The following SEMA4C variants were observed in gnomAD, a reference collection of about 807,000 sequenced individuals.
SEMA4C encodes semaphorin 4C.
In SEMA4C, 19 loss-of-function variants were observed where a neutral mutation model predicts 89.0. The ratio of observed to expected loss-of-function variants is 0.21; its 90% CI spans 0.15 to 0.31. The LOEUF is 0.31. Ranked by LOEUF, SEMA4C falls within the 10% of genes least tolerant of loss-of-function variation. SEMA4C has a pLI of 1.00. For synonymous variants in SEMA4C, 428 were observed against 472.7 expected (o/e 0.91, Z 1.23); for missense variants, 811 against 1,107.0 (o/e 0.73, Z 3.79).
upstream of SEMA4C, chr2:96,870,493 A>T (rs2080178233): frequency 1.0e-6 from 1 of 967,364 alleles, no homozygotes; most frequent in African/African-American, 1.8e-5. Context: ...GCGAGTATCC[A>T]GGGGAGGCAC....
intron 1 of SEMA4C, chr2:96,868,860 T>C: frequency 1.0e-6 from 1 of 985,390 alleles, no homozygotes; most frequent in Non-Finnish European, 1.2e-6. Context: ...ACTCGGGGAC[T>C]GCGCCCCAGG....
At chr2:96,866,600 T>A in intron 2 of SEMA4C, 169 bp from the exon 3 acceptor site, 2 of 909,604 alleles carry the variant, frequency 2.2e-6, no homozygotes, top group Non-Finnish European at 3.5e-6. Flanking sequence ...CAGCCCCACC[T>A]GGGCCTCCCT....
chr2:96,865,408 C>T (rs2080046423), intron 6 of SEMA4C, 33 bp downstream of exon 6: 2 of 1,611,362 alleles, frequency 1.2e-6, no homozygotes, highest in East Asian at 2.2e-5. Flanking sequence ...GCCCCAAGGA[C>T]TCACCCAGCC....
At chr2:96,866,112 G>A (rs1415280948) in intron 3 of SEMA4C, among the ~76,000 whole-genome samples, 171 bp downstream of exon 3, 2 of 152,232 alleles carry the variant, frequency 1.3e-5, no homozygotes, top group South Asian at 2.1e-4. Flanking sequence ...TTCAGTAAGT[G>A]CCAGAGAGGA....
At position 96,861,689 on chromosome 2, in the gene SEMA4C, A is replaced by C; in HGVS notation, c.1602-40T>G. On this transcript the variant is annotated intron_variant, in intron 13 of 14. Transcript: ENST00000305476. The surrounding 1 kb of genome is among the most constrained non-coding windows in gnomAD (Gnocchi z 7.8). ...AGGGTACATCAGCAGCCTGGCTCCA[A>C]CCACCCTGAGTCCCTGGAGGTCCTG... 6.3e-7 allele frequency: 1 copy of C among 1,599,994 alleles called. No individual in the cohort carries two copies. Among genetic ancestry groups the C allele is most frequent in the Non-Finnish European group, 8.5e-7 (1 of 1,170,602 alleles).
At chr2:96,867,236 G>A (rs2080095101) in intron 2 of SEMA4C, among the ~76,000 whole-genome samples, 1 of 152,334 alleles carries the variant, frequency 6.6e-6, no homozygotes, top group South Asian at 2.1e-4. Flanking sequence ...TGGAGCCTGT[G>A]GGAGGTGAGC....
intron 1 of SEMA4C, among the ~76,000 whole-genome samples, chr2:96,868,235 C>T (rs555399738): frequency 1.3e-5 from 2 of 152,332 alleles, no homozygotes; most frequent in South Asian, 4.1e-4. Flanking sequence ...AAAGGGGACC[C>T]CCGCCCAACA....
intron 5 of SEMA4C, 53 bp from the exon 6 acceptor site, chr2:96,865,590 G>T: frequency 6.3e-7 from 1 of 1,598,200 alleles, no homozygotes; most frequent in South Asian, 1.1e-5. Flanking sequence ...GGGCTCTGTG[G>T]GCCACATCCA....
At position 96,860,792 on chromosome 2, in the gene SEMA4C, C is replaced by A; in HGVS notation, c.2336G>T (p.Gly779Val). 1.2e-6 allele frequency: 2 copies of A among 1,613,850 alleles called. 1 individual carries two copies. Among genetic ancestry groups the A allele is most frequent in the Non-Finnish European group, 1.7e-6 (2 of 1,180,014 alleles). Reference sequence around the variant, plus strand: ...ATTGGCATTTGAGTTCCGCCCACCCCCCAGGTGAAGCCGAGTTGGAGAAGG... The same window carrying A: ...ATTGGCATTTGAGTTCCGCCCACCCACCAGGTGAAGCCGAGTTGGAGAAGG... ...PLPSPTRLHL[G>V]GGRNSNANGY... Residue 779 changes from glycine (G) to valine (V), a missense_variant, in exon 15 of 15, where the codon GGG (glycine) becomes GTG (valine). By Grantham distance (109) the Gly-to-Val change is moderately radical. This residue lies in a region of SEMA4C where 248 missense variants were observed against 269.0 expected (regional missense o/e 0.92). Transcript: ENST00000305476.
Position 96,864,865 on chromosome 2 carries a change from C to A in SEMA4C, c.802G>T (p.Ala268Ser). 1.2e-6 allele frequency: 2 copies of A among 1,613,104 alleles called. No individual in the cohort carries two copies. The highest frequency in any genetic ancestry group is 2.2e-5 in the East Asian group (1 of 44,858). ...GTCCACTTCCTCTGCAGGGTCCGTG[C>A]GCCCCCCATATCGCCCTGGCAGACG... is the stretch of plus-strand genomic sequence containing the variant. ...ARVCKGDMGG[A>S]RTLQRKWTTF... Residue 268 changes from alanine to serine, a missense_variant, in exon 9 of 15, where the codon GCA becomes TCA. Coordinates refer to ENST00000305476, the MANE Select transcript of SEMA4C (RefSeq NM_017789.5). This position sits in a 1 kb window ranked among gnomAD's most constrained non-coding sequence, Gnocchi z 6.3.
chr2:96,867,709 C>T, intron 2 of SEMA4C, 69 bp downstream of exon 2: 1 of 1,452,670 alleles, frequency 6.9e-7, no homozygotes, highest in Admixed American at 1.8e-5. Context: ...AGAATAAAGC[C>T]AGCACACTAT....
At chr2:96,866,054 CTT>C in intron 3 of SEMA4C, 125 bp from the exon 4 acceptor site, 1 of 1,132,744 alleles carries the variant, frequency 8.8e-7, no homozygotes, top group South Asian at 1.4e-5. Context: ...TCTCTGGGGA[CTT>C]CCTTTAGTAC....
At position 96,860,381 on chromosome 2, in the gene SEMA4C, G is replaced by A; in HGVS notation, c.*245C>T. On this transcript the variant is annotated 3_prime_UTR_variant, in exon 15 of 15. Coordinates refer to ENST00000305476, the MANE Select transcript of SEMA4C (RefSeq NM_017789.5). ...GCCTTGAAAAGTTTTGGCGGCTGGG[G>A]TCCCGCGTGTCTGTGATTCACAGAG... The A allele has an allele frequency of 3.9e-6, 2 of 513,434 alleles. No homozygotes were observed. Among genetic ancestry groups the A allele is most frequent in the Non-Finnish European group, 6.8e-6 (2 of 292,308 alleles). The allele number at this position is 513,434 out of a possible 1,614,324, so 31.8% of individuals were successfully genotyped here. A position where few individuals can be genotyped will look rare whatever the true frequency, so the allele number is the denominator to read the frequency against.
At position 96,864,304 on chromosome 2, in the gene SEMA4C, C is replaced by T; in HGVS notation, c.1041G>A (p.Glu347=). 6.2e-7 allele frequency: 1 copy of T among 1,614,064 alleles called. No individual in the cohort carries two copies. Among genetic ancestry groups the T allele is most frequent in the Non-Finnish European group, 8.5e-7 (1 of 1,180,020 alleles). Residue 347 remains glutamate (E), a synonymous_variant, in exon 10 of 15, where the codon GAG becomes GAA. Coordinates refer to ENST00000305476, the MANE Select transcript of SEMA4C (RefSeq NM_017789.5). This position sits in a 1 kb window ranked among gnomAD's most constrained non-coding sequence, Gnocchi z 6.3. The stretch of plus-strand genomic sequence containing the variant: ...CCCACTTCTGGGCTTCCTCATGGTA[C>T]TCCTTATAGGGGCCCTCAAACACCC... The part of the protein sequence containing the change: ...IQRVFEGPYK[E]YHEEAQKWDR...
At chr2:96,865,975 G>A (rs201331904) in intron 3 of SEMA4C, 46 bp from the exon 4 acceptor site, 12 of 1,586,854 alleles carry the variant, frequency 7.6e-6, no homozygotes, top group Admixed American at 1.7e-5. Context: ...GGTACGGACT[G>A]AGCACGTGTC....
At chr2:96,863,530 C>A in intron 12 of SEMA4C, 152 bp downstream of exon 12, 1 of 1,296,796 alleles carries the variant, frequency 7.7e-7, no homozygotes, top group Non-Finnish European at 1.0e-6. Context: ...CAGGAACCCA[C>A]CCCAAGTTAG....
At chr2:96,868,300 C>A in intron 1 of SEMA4C, 1 of 521,850 alleles carries the variant, frequency 1.9e-6, no homozygotes, top group Non-Finnish European at 2.7e-6. Context: ...AGGCAGCAGG[C>A]CTTGCAGCCA....
rs773141612 is a variant in SEMA4C, at chr2:96,864,345, A to G, written c.1000T>C (p.Leu334=). The G allele has an allele frequency of 1.2e-6, 2 of 1,613,872 alleles. No individual in the cohort carries two copies. Among genetic ancestry groups the G allele is most frequent in the South Asian group, 1.1e-5 (1 of 91,088 alleles). ...MYLSAICEYQ[L]EEIQRVFEGP... ...TCAAACACCCGCTGGATCTCTTCCA[A>G]CTGGTACTCACAGATGGCCGACAGG... The change falls in exon 10 of 15, where the codon TTG becomes CTG. Residue 334 remains leucine, a synonymous_variant. Transcript: ENST00000305476. The surrounding 1 kb of genome is among the most constrained non-coding windows in gnomAD (Gnocchi z 6.3).
In SEMA4C at chr2:96,867,789, A is replaced by G. The variant is rs1249145727; in HGVS notation, c.98T>C (p.Val33Ala). ...CTCCAGGCACTCACCCCCAGAAGAC[A>G]CTGTCTTACGCGGCACAAGGTTCCA... ...VWWNLVPRKTVSSGELATVVR... is the reference protein window; with the variant it reads ...VWWNLVPRKTASSGELATVVR... Residue 33 changes from valine to alanine, a missense_variant, in exon 2 of 15, where the codon GTG becomes GCG. Physicochemically the swap from Val to Ala is moderately conservative, Grantham distance 64. Transcript: ENST00000305476. 1 of 1,613,328 alleles carries G rather than the reference A, an allele frequency of 6.2e-7. No homozygotes were observed. Among genetic ancestry groups the G allele is most frequent in the Non-Finnish European group, 8.5e-7 (1 of 1,179,814 alleles).
Sources: allele counts gnomAD v4.1 joint callset (sites outside exome capture counted in the v4.1 genomes callset), GRCh38; gene constraint gnomAD v4.1.1; regional missense constraint gnomAD v4.1.1; non-coding constraint Gnocchi (gnomAD v3.1); transcripts MANE v1.5; gene names NCBI Gene and HGNC (gene_info 2026-07-23, HGNC 2026-07-21).